Variants in ADSL observed in about 807,000 individuals in gnomAD.
ADSL encodes adenylosuccinase.
In ADSL, 44 loss-of-function variants were observed where a neutral mutation model predicts 62.1. The ratio of observed to expected loss-of-function variants is 0.71; its 90% CI spans 0.56 to 0.91. The LOEUF (loss-of-function observed/expected upper bound fraction) is 0.91. ADSL is among the 40% of genes least tolerant of loss of function. The pLI, the probability that ADSL is intolerant of heterozygous loss-of-function variation, is 0.00. For synonymous variants in ADSL, 198 were observed against 220.5 expected, an observed-to-expected ratio of 0.90 and a Z score of 0.90; for missense variants, 531 against 627.4, an observed-to-expected ratio of 0.85 and a Z score of 1.64.
chr22:40,384,150 G>A (rs2048045712), intron 2 of ADSL, among the ~76,000 whole-genome samples: 1 of 152,098 alleles, frequency 6.6e-6, no homozygotes, highest in African/African-American at 2.4e-5. Flanking sequence ...AGGCTGAGGA[G>A]AGATGATTGC....
intron 4 of ADSL, among the ~76,000 whole-genome samples, chr22:40,358,274 C>T (rs1046065172): frequency 1.1e-4 from 16 of 152,178 alleles, no homozygotes; most frequent in Admixed American, 4.6e-4. Context: ...GGACATTGTC[C>T]CTGCCCTTAT....
intron 7 of ADSL, 78 bp downstream of exon 7, chr22:40,360,570 C>T (rs2044744843): frequency 1.0e-6 from 1 of 996,456 alleles, no homozygotes; most frequent in South Asian, 1.3e-5. Flanking sequence ...CAGACTTTTA[C>T]TTAACCATCT....
At chr22:40,386,362 C>G (rs992014438) in intron 2 of ADSL, among the ~76,000 whole-genome samples, 1 of 152,082 alleles carries the variant, frequency 6.6e-6, no homozygotes, top group Non-Finnish European at 1.5e-5. Flanking sequence ...AGGTTCACAA[C>G]AGTAAGAGGA....
intron 2 of ADSL, among the ~76,000 whole-genome samples, chr22:40,378,458 G>A (rs1035962044): frequency 1.3e-5 from 2 of 151,480 alleles, no homozygotes; most frequent in African/African-American, 4.9e-5. Flanking sequence ...GCCGGGCACG[G>A]TGGCTGATGC....
chr22:40,354,389 CTG>C, intron 4 of ADSL, 62 bp downstream of exon 4: 1 of 1,268,742 alleles, frequency 7.9e-7, no homozygotes, highest in Non-Finnish European at 1.2e-6. Flanking sequence ...CTTGAGTTCT[CTG>C]TTTTCCACAG....
Position 40,366,889 on chromosome 22 carries a change from A to T in ADSL, c.*367A>T. 1 of 275,948 alleles carries T rather than the reference A, an allele frequency of 3.6e-6. No individual in the cohort carries two copies. Among genetic ancestry groups the T allele is most frequent in the South Asian group, 3.8e-5 (1 of 26,168 alleles). 17.1% of individuals were successfully genotyped at this position (275,948 alleles called of 1,614,324 possible). A position where few individuals can be genotyped will look rare whatever the true frequency, so the allele number is the denominator to read the frequency against. Reference sequence around the variant, plus strand: ...ATCTAGGTCTAGCAAAATAACCTGGACTCAGTGATTGAGTCAATGGTCAGA... The same window carrying T: ...ATCTAGGTCTAGCAAAATAACCTGGTCTCAGTGATTGAGTCAATGGTCAGA... On this transcript the variant is annotated 3_prime_UTR_variant, in exon 13 of 13. Transcript: ENST00000623063.
At chr22:40,376,570 TGTTTG>T (rs2046643670) in intron 2 of ADSL, 1 of 152,178 alleles carries the variant, frequency 6.6e-6, no homozygotes, top group East Asian at 1.9e-4. Context: ...ATGTATTAGG[TGTTTG>T]CTATATATAC....
At chr22:40,374,838 T>C (rs1314806693) in intron 2 of ADSL, among the ~76,000 whole-genome samples, 1 of 152,174 alleles carries the variant, frequency 6.6e-6, no homozygotes, top group African/African-American at 2.4e-5. Context: ...CCAGCCATGT[T>C]TGTACCACTG....
chr22:40,361,119 AT>A, intron 7 of ADSL, 153 bp from the exon 8 acceptor site: 1 of 784,112 alleles, frequency 1.3e-6, no homozygotes, highest in Non-Finnish European at 2.3e-6. Context: ...TCGGAGTAAG[AT>A]ACTCTGCAGG....
intron 1 of ADSL, chr22:40,348,853 C>T (rs762662635): frequency 2.8e-6 from 1 of 352,182 alleles, no homozygotes; most frequent in Non-Finnish European, 5.1e-6. Context: ...GTATTCAGCC[C>T]TTGGATCTAA....
downstream of ADSL, among the ~76,000 whole-genome samples, chr22:40,369,679 G>GT (rs1176467875): frequency 4.0e-5 from 6 of 151,774 alleles, no homozygotes; most frequent in Non-Finnish European, 7.4e-5. Flanking sequence ...ATTTTTTGTT[G>GT]TTTTTTGTAG....
Position 40,346,596 on chromosome 22 carries a change from A to C in ADSL, c.38A>C (p.Tyr13Ser). ...AGGDHGSPDS[Y>S]RSPLASRYAS... ...GGCGATCATGGTTCGCCCGACAGCT[A>C]CCGCTCACCTCTTGCCTCCCGCTAT... Residue 13 changes from tyrosine to serine, a missense_variant, in exon 1 of 13, where the codon TAC becomes TCC. By Grantham distance (144) the Tyr-to-Ser change is moderately radical. Transcript: ENST00000623063. 9 of 1,607,736 alleles carry C rather than the reference A, an allele frequency of 5.6e-6. No homozygotes were observed. The highest frequency in any genetic ancestry group is 6.8e-6 in the Non-Finnish European group (8 of 1,177,632).
At chr22:40,352,553 AGGAAAGTAAT>A (rs1301224700) in intron 2 of ADSL, among the ~76,000 whole-genome samples, 1 of 152,092 alleles carries the variant, frequency 6.6e-6, no homozygotes, top group Non-Finnish European at 1.5e-5. Flanking sequence ...AGAAAACGGG[AGGAAAGTAAT>A]GGAATGTGCC....
At chr22:40,353,041 T>G (rs2044408706) in intron 2 of ADSL, 32 bp from the exon 3 acceptor site, 2 of 1,599,324 alleles carry the variant, frequency 1.3e-6, no homozygotes, top group African/African-American at 1.3e-5. Flanking sequence ...GCAAAGCTGC[T>G]AAATATAAGA....
At chr22:40,370,779 C>A (rs1393694504), downstream of ADSL, 1 of 152,256 alleles carries the variant, frequency 6.6e-6, no homozygotes. Flanking sequence ...TCGGACTGTC[C>A]GACCGAGGGT....
intron 2 of ADSL, among the ~76,000 whole-genome samples, chr22:40,351,263 C>T (rs755611339): frequency 3.3e-5 from 5 of 151,988 alleles, no homozygotes; most frequent in East Asian, 1.9e-4. Context: ...CTCTGCCTCC[C>T]GAGTTCAAGC....
In ADSL at chr22:40,366,483, T is replaced by C. The variant is rs777123162; in HGVS notation, c.1416T>C (p.Tyr472=). The C allele has an allele frequency of 7.4e-6, 12 of 1,613,566 alleles. No homozygotes were observed. Among genetic ancestry groups the C allele is most frequent in the Admixed American group, 1.7e-5 (1 of 59,992 alleles). ...AGGTGTATCCCCTGTTAAAACCATA[T>C]GAAAGCGTGATGAAGGTGAAAGCAG... ...EEEVYPLLKP[Y]ESVMKVKAEL... Residue 472 remains tyrosine, a synonymous_variant, in exon 13 of 13, where the codon TAT becomes TAC. Coordinates refer to ENST00000623063, the MANE Select transcript of ADSL (RefSeq NM_000026.4).
At chr22:40,361,715 G>T in intron 9 of ADSL, 80 bp downstream of exon 9, 1 of 1,555,802 alleles carries the variant, frequency 6.4e-7, no homozygotes, top group Non-Finnish European at 8.8e-7. Context: ...GGACATATTT[G>T]AGCATCTCTA....
chr22:40,383,704 AAG>A (rs1466149039), intron 2 of ADSL, among the ~76,000 whole-genome samples: 26 of 152,286 alleles, frequency 1.7e-4, no homozygotes, highest in South Asian at 4.1e-4. Flanking sequence ...AAGGGAAAAT[AAG>A]AGCTGACTCA....
Sources: gnomAD v4.1 joint callset for allele counts (sites outside exome capture counted in the v4.1 genomes callset) on GRCh38, gnomAD v4.1.1 for gene constraint, MANE v1.5 for transcripts, NCBI Gene and HGNC (gene_info 2026-07-23, HGNC 2026-07-21) for gene names.